The following TAFA1 variants were observed in gnomAD, a reference collection of about 807,000 sequenced individuals.
TAFA1 encodes TAFA chemokine like family member 1.
Under a neutral mutation model 18.5 loss-of-function variants are expected in TAFA1, and 4 were observed. The observed-to-expected ratio is 0.22, with a 90% CI of 0.11 to 0.49. The LOEUF (loss-of-function observed/expected upper bound fraction) is 0.49, where lower values mean the gene tolerates loss of function less well. Among genes scored for constraint, TAFA1 ranks in the 20% least tolerant of loss-of-function variants. The probability of loss-of-function intolerance (pLI) is 0.98; values close to 1 mark genes in which losing one functional copy is unlikely to be tolerated. For missense variants in TAFA1, 147 were observed against 169.0 expected, an observed-to-expected ratio of 0.87 and a Z score of 0.72; for synonymous variants, 56 against 55.2, an observed-to-expected ratio of 1.01 and a Z score of -0.06.
chr3:68,029,417 A>G (rs1045658915), intron 2 of TAFA1, among the ~76,000 whole-genome samples: 2 of 152,210 alleles, frequency 1.3e-5, no homozygotes, highest in African/African-American at 4.8e-5. Context: ...TTTAGATTTT[A>G]TAAAATGTAC....
chr3:68,215,636 A>G (rs1300389384), intron 2 of TAFA1, among the ~76,000 whole-genome samples: 1 of 152,092 alleles, frequency 6.6e-6, no homozygotes, highest in African/African-American at 2.4e-5. Context: ...AGCCATTAGA[A>G]TGACAAAAAT....
At chr3:68,253,439 A>G (rs2107170391) in intron 2 of TAFA1, among the ~76,000 whole-genome samples, 1 of 152,268 alleles carries the variant, frequency 6.6e-6, no homozygotes, top group East Asian at 1.9e-4. Context: ...AATCTCACCC[A>G]TTTGTGAAAC....
At chr3:68,399,931 C>T (rs907763911) in intron 2 of TAFA1, among the ~76,000 whole-genome samples, 9 of 152,148 alleles carry the variant, frequency 5.9e-5, no homozygotes, top group African/African-American at 2.2e-4. Context: ...CACTGGTCTC[C>T]ATGTCAGCTC....
intron 2 of TAFA1, among the ~76,000 whole-genome samples, chr3:68,229,406 T>C (rs2066843359): frequency 6.6e-6 from 1 of 152,252 alleles, no homozygotes; most frequent in African/African-American, 2.4e-5. Context: ...TGCTTTACTG[T>C]CTAAAATGTC....
At chr3:68,060,970 C>G (rs1481873174) in intron 2 of TAFA1, among the ~76,000 whole-genome samples, 1 of 152,158 alleles carries the variant, frequency 6.6e-6, no homozygotes, top group African/African-American at 2.4e-5. Flanking sequence ...GACATAGGTT[C>G]AAGTGTGTAC....
At chr3:68,263,965 AT>A (rs1210798750) in intron 2 of TAFA1, among the ~76,000 whole-genome samples, 3 of 152,246 alleles carry the variant, frequency 2.0e-5, no homozygotes, top group African/African-American at 4.8e-5. Context: ...ATAGAATTTT[AT>A]TTTTTTAAAT....
In TAFA1 at chr3:68,332,117, C is replaced by T. The variant is rs530392653; in HGVS notation, c.119-85163C>T. Among the ~76,000 whole-genome samples, 3 of 151,866 alleles carry T rather than the reference C, an allele frequency of 2.0e-5. No homozygotes were observed. In the East Asian group the frequency reaches 5.8e-4, roughly 29 times the overall value. ...TGACCTCGTGATCCGCCCGCCTCGG[C>T]CTCCCAAAGTGCTGAGATTACAGGT... On this transcript the variant is annotated intron_variant, in intron 2 of 4. Coordinates refer to ENST00000478136, the MANE Select transcript of TAFA1 (RefSeq NM_213609.4).
chr3:68,528,395 C>T (rs2073138111), intron 3 of TAFA1, among the ~76,000 whole-genome samples: 1 of 152,148 alleles, frequency 6.6e-6, no homozygotes, highest in Non-Finnish European at 1.5e-5. Context: ...GAGTCTTAGT[C>T]AATACATAAT....
chr3:68,263,707 A>G (rs961771344), intron 2 of TAFA1, among the ~76,000 whole-genome samples: 6 of 151,938 alleles, frequency 3.9e-5, no homozygotes, highest in Non-Finnish European at 7.4e-5. Context: ...TCAATCCAGG[A>G]TACCATCCCC....
intron 2 of TAFA1, among the ~76,000 whole-genome samples, chr3:68,295,916 G>T (rs927851733): frequency 6.6e-6 from 1 of 152,028 alleles, no homozygotes; most frequent in Admixed American, 6.6e-5. Flanking sequence ...GCTGAGACCA[G>T]CTATGTTTCA....
chr3:68,246,576 C>T (rs917334871), intron 2 of TAFA1, among the ~76,000 whole-genome samples: 1 of 87,872 alleles, frequency 1.1e-5, no homozygotes, highest in Non-Finnish European at 2.0e-5. Context: ...GGCGACAGAG[C>T]GGGACTCCGT....
chr3:68,198,740 A>G (rs2066440642), intron 2 of TAFA1, among the ~76,000 whole-genome samples: 1 of 151,424 alleles, frequency 6.6e-6, no homozygotes, highest in Admixed American at 6.6e-5. Context: ...TTATTGTTTA[A>G]AGAGTTTGTT....
the TAFA1 span, among the ~76,000 whole-genome samples, chr3:67,997,776 C>T: frequency 6.6e-6 from 1 of 151,648 alleles, no homozygotes; most frequent in Non-Finnish European, 1.5e-5. Flanking sequence ...TATGTAGGAT[C>T]CTATAGAAAA....
intron 2 of TAFA1, among the ~76,000 whole-genome samples, chr3:68,128,922 G>A (rs1354701741): frequency 6.6e-6 from 1 of 152,144 alleles, no homozygotes; most frequent in East Asian, 1.9e-4. Flanking sequence ...TTTATCCTCT[G>A]TCATTTAAAC....
chr3:68,489,773 G>T, intron 3 of TAFA1, among the ~76,000 whole-genome samples: 1 of 152,070 alleles, frequency 6.6e-6, no homozygotes. Context: ...TAAAAGAATG[G>T]CCATTTTCTT....
chr3:68,297,776 A>G (rs2068236618), intron 2 of TAFA1, among the ~76,000 whole-genome samples: 1 of 151,874 alleles, frequency 6.6e-6, no homozygotes, highest in African/African-American at 2.4e-5. Context: ...TGTATTAAGA[A>G]TATTTCTATA....
chr3:68,423,087 T>C (rs1186448625), intron 3 of TAFA1, among the ~76,000 whole-genome samples: 1 of 152,066 alleles, frequency 6.6e-6, no homozygotes, highest in African/African-American at 2.4e-5. Flanking sequence ...GGAGGGCTTA[T>C]GAAGTTACGT....
In TAFA1 at chr3:68,222,066, A is replaced by G. The variant is rs1258754911; in HGVS notation, c.119-195214A>G. Among the ~76,000 whole-genome samples, 3 of 152,318 alleles carry G rather than the reference A, an allele frequency of 2.0e-5. No homozygotes were observed. In the East Asian group the frequency reaches 5.8e-4, roughly 29 times the overall value. On this transcript the variant is annotated intron_variant, in intron 2 of 4. Coordinates refer to ENST00000478136, the MANE Select transcript of TAFA1 (RefSeq NM_213609.4). ...AACTTTTTCATTTTATTATACTTTC[A>G]TAATTCTATTGAGGATGAGAGGAGT... is the stretch of plus-strand genomic sequence containing the variant.
intron 2 of TAFA1, among the ~76,000 whole-genome samples, chr3:68,292,993 C>T (rs540875002): frequency 1.4e-4 from 21 of 152,128 alleles, no homozygotes; most frequent in African/African-American, 4.8e-4. Flanking sequence ...TCAAAAGCTA[C>T]GTATTCAATC....
Sources: allele counts gnomAD v4.1 joint callset (sites outside exome capture counted in the v4.1 genomes callset), GRCh38; gene constraint gnomAD v4.1.1; transcripts MANE v1.5; gene names NCBI Gene and HGNC (gene_info 2026-07-23, HGNC 2026-07-21).